AFDN: variants seen among roughly 807,000 people sequenced by gnomAD.
AFDN encodes the protein afadin.
A neutral mutation model predicts 216.6 loss-of-function variants in AFDN; 68 were observed. That is an observed-to-expected ratio of 0.31 (90% CI 0.26 to 0.38). The LOEUF (loss-of-function observed/expected upper bound fraction) is 0.38. Ranked by LOEUF, AFDN falls within the 10% of genes least tolerant of loss-of-function variation. The pLI, the probability that AFDN is intolerant of heterozygous loss-of-function variation, is 1.00. For synonymous variants in AFDN, 868 were observed against 853.7 expected (o/e 1.02, Z -0.29); for missense variants, 2,136 against 2,342.0 (o/e 0.91, Z 1.82).
At chr6:167,931,661 T>A (rs1793316275) in intron 23 of AFDN, among the ~76,000 whole-genome samples, 1 of 152,100 alleles carries the variant, frequency 6.6e-6, no homozygotes, top group Non-Finnish European at 1.5e-5. Flanking sequence ...ACATACACAC[T>A]GCCGAGATAA....
intron 4 of AFDN, 68 bp downstream of exon 4, chr6:167,872,445 T>G (rs1583231755): frequency 2.7e-6 from 4 of 1,501,330 alleles, no homozygotes; most frequent in Non-Finnish European, 3.6e-6. Context: ...TGCACCAAAA[T>G]TGTTAAATTT....
At position 167,875,352 on chromosome 6, in the gene AFDN, C is replaced by G; in HGVS notation, c.596C>G (p.Ala199Gly). Residue 199 changes from alanine to glycine, a missense_variant, in exon 5 of 34, where the codon GCT (alanine) becomes GGT (glycine). By Grantham distance (60) the Ala-to-Gly change is moderately conservative. Transcript: ENST00000683244. ...TCTTACAGTGAAAATTCTCGACTGG[C>G]TGCTGAGGTTTACAAAGACATGCCG... ...QGEDVENSRL[A>G]AEVYKDMPET... The G allele has an allele frequency of 6.2e-7, 1 of 1,611,414 alleles. No homozygotes were observed. Among genetic ancestry groups the G allele is most frequent in the Non-Finnish European group, 8.5e-7 (1 of 1,179,202 alleles).
chr6:167,875,595 G>A lies in AFDN; in HGVS notation c.739+100G>A, dbSNP rs531318595. On this transcript the variant is annotated intron_variant, in intron 5 of 33. Coordinates refer to ENST00000683244, the MANE Select transcript of AFDN (RefSeq NM_001386888.1). ...CTTGCTTTAACTAAAGCAATGGGTGGTGTAACCTTTTCATAACAAATGTGT... is the reference window on the plus strand; with the variant it reads ...CTTGCTTTAACTAAAGCAATGGGTGATGTAACCTTTTCATAACAAATGTGT... 4.7e-5 allele frequency: 59 copies of A among 1,252,782 alleles called. No individual in the cohort carries two copies. The East Asian group carries it at 1.2e-3, about 26-fold the overall frequency. The allele number at this position is 1,252,782 out of a possible 1,614,324, so 77.6% of individuals were successfully genotyped here. A position where few individuals can be genotyped will look rare whatever the true frequency, so the allele number is the denominator to read the frequency against.
At chr6:167,924,554 G>C (rs1041795903) in intron 22 of AFDN, among the ~76,000 whole-genome samples, 7 of 152,136 alleles carry the variant, frequency 4.6e-5, no homozygotes, top group East Asian at 1.9e-4. Context: ...AAAGACGTTA[G>C]GTCATCTTTG....
At chr6:167,963,287 C>T in intron 31 of AFDN, 1 of 1,063,288 alleles carries the variant, frequency 9.4e-7, no homozygotes, top group Non-Finnish European at 1.1e-6. Flanking sequence ...CCGTTGAGCT[C>T]CCTGTGGGGG....
At chr6:167,834,396 C>T (rs1388628079) in intron 1 of AFDN, among the ~76,000 whole-genome samples, 2 of 151,314 alleles carry the variant, frequency 1.3e-5, no homozygotes, top group African/African-American at 4.9e-5. Flanking sequence ...AGTCTCCAGT[C>T]CCATCCAGGT....
At chr6:167,841,631 C>T (rs1239414787) in intron 1 of AFDN, among the ~76,000 whole-genome samples, 1 of 152,114 alleles carries the variant, frequency 6.6e-6, no homozygotes, top group Non-Finnish European at 1.5e-5. Flanking sequence ...TCTGGTCTTG[C>T]TTCATAGTTT....
chr6:167,897,576 T>C (rs904932524), intron 10 of AFDN, among the ~76,000 whole-genome samples: 12 of 151,442 alleles, frequency 7.9e-5, no homozygotes, highest in African/African-American at 2.9e-4. Context: ...GAATCTTTAA[T>C]GCTAATGATC....
chr6:167,918,837 C>T lies in AFDN; in HGVS notation c.2812C>T (p.Leu938=). The part of the protein sequence containing the change: ...VQLEEDPDLQ[L]PFLLPEDGYS... ...GTTGGAGGAGGATCCTGATCTGCAG[C>T]TGCCGTTTCTTTTGCCAGAAGATGG... Residue 938 remains leucine (L), a synonymous_variant, in exon 21 of 34, where the codon CTG becomes TTG. Transcript: ENST00000683244. 1 of 1,612,816 alleles carries T rather than the reference C, an allele frequency of 6.2e-7. No individual in the cohort carries two copies. Among genetic ancestry groups the T allele is most frequent in the Non-Finnish European group, 8.5e-7 (1 of 1,179,338 alleles).
Position 167,875,506 on chromosome 6 carries a change from G to T in AFDN, c.739+11G>T, listed in dbSNP as rs778905310. 14 of 1,612,486 alleles carry T rather than the reference G, an allele frequency of 8.7e-6. 1 individual carries two copies. The South Asian group carries it at 1.5e-4, about 18-fold the overall frequency. ...GGCGGCCTGATTCAGGTACAACTTG[G>T]TATTTTTTCTCTGTTCTACCTGTTA... On this transcript the variant is annotated intron_variant, in intron 5 of 33. Transcript: ENST00000683244.
chr6:167,834,024 G>A (rs1780120499), intron 1 of AFDN, among the ~76,000 whole-genome samples: 2 of 152,100 alleles, frequency 1.3e-5, no homozygotes, highest in African/African-American at 4.8e-5. Flanking sequence ...TTTTACACGA[G>A]CTTTTTAATG....
At chr6:167,929,087 A>T (rs568926951) in intron 23 of AFDN, among the ~76,000 whole-genome samples, 27 of 152,262 alleles carry the variant, frequency 1.8e-4, no homozygotes, top group African/African-American at 6.5e-4. Context: ...TTGTAATTTC[A>T]AGACTAGGTT....
intron 2 of AFDN, 49 bp from the exon 3 acceptor site, chr6:167,870,337 A>C (rs1227615040): frequency 1.6e-6 from 2 of 1,234,162 alleles, no homozygotes; most frequent in Admixed American, 4.1e-5. Flanking sequence ...AGCTAGTTCT[A>C]TGAAATAACC....
chr6:167,920,016 A>G (rs1029513808), intron 21 of AFDN, among the ~76,000 whole-genome samples: 1 of 152,200 alleles, frequency 6.6e-6, no homozygotes, highest in African/African-American at 2.4e-5. Context: ...TCATTTTACA[A>G]AGGCTGCTTC....
intron 2 of AFDN, among the ~76,000 whole-genome samples, chr6:167,869,265 A>G (rs1784537592): frequency 6.6e-6 from 1 of 151,838 alleles, no homozygotes; most frequent in Non-Finnish European, 1.5e-5. Context: ...TCCTTACTCA[A>G]CTCTGAAAGT....
chr6:167,860,232 A>G (rs954560124), intron 1 of AFDN, among the ~76,000 whole-genome samples: 2 of 140,650 alleles, frequency 1.4e-5, no homozygotes, highest in Non-Finnish European at 3.0e-5. Flanking sequence ...TGGCTGCAAC[A>G]TATTAGACTA....
At chr6:167,875,581 T>A in intron 5 of AFDN, 86 bp downstream of exon 5, 1 of 1,360,210 alleles carries the variant, frequency 7.4e-7, no homozygotes, top group Non-Finnish European at 1.0e-6. Flanking sequence ...TTGCTTTAAC[T>A]AAAGCAATGG....
Position 167,915,295 on chromosome 6 carries a change from G to T in AFDN, c.2427G>T (p.Leu809Phe), listed in dbSNP as rs368938269. The T allele has an allele frequency of 7.4e-5, 120 of 1,614,090 alleles. No homozygotes were observed. Among genetic ancestry groups the T allele is most frequent in the Non-Finnish European group, 1.0e-4 (118 of 1,180,046 alleles). ...HFINMWLFNR[L>F]VTDPDSGLCS... ...TCAATATGTGGCTGTTCAATAGATT[G>T]GTGACCGACCCAGATTCGGGGCTGT... The change falls in exon 19 of 34, where the codon TTG (leucine) becomes TTT (phenylalanine). Residue 809 changes from leucine to phenylalanine, a missense_variant. Leu to Phe is a conservative substitution (Grantham distance 22). This residue lies in a region of AFDN where 817 missense variants were observed against 965.7 expected (regional missense o/e 0.85). Transcript: ENST00000683244.
intron 1 of AFDN, among the ~76,000 whole-genome samples, chr6:167,837,670 C>G (rs1300549976): frequency 6.6e-6 from 1 of 152,068 alleles, no homozygotes; most frequent in African/African-American, 2.4e-5. Flanking sequence ...TTTGCTGTTC[C>G]CATTTCTGGA....
Sources: allele counts gnomAD v4.1 joint callset (sites outside exome capture counted in the v4.1 genomes callset), GRCh38; gene constraint gnomAD v4.1.1; regional missense constraint gnomAD v4.1.1; transcripts MANE v1.5; gene names NCBI Gene and HGNC (gene_info 2026-07-23, HGNC 2026-07-21).